TOP2B: variants seen among roughly 807,000 people sequenced by gnomAD.
The protein encoded by TOP2B is DNA topoisomerase II beta.
TOP2B carries 51 observed loss-of-function variants against 193.5 expected under a neutral mutation model. The observed-to-expected ratio is 0.26, with a 90% CI of 0.21 to 0.33. TOP2B has a LOEUF of 0.33. TOP2B is among the 10% of genes least tolerant of loss of function. The pLI, the probability that TOP2B is intolerant of heterozygous loss-of-function variation, is 1.00. For synonymous variants in TOP2B, 634 were observed against 635.7 expected (o/e 1.00, Z 0.04); for missense variants, 1,378 against 1,909.3 (o/e 0.72, Z 5.19).
In TOP2B at chr3:25,598,481, G is replaced by C. The variant is rs753321382; in HGVS notation, c.4711-4C>G. 2.9e-5 allele frequency: 44 copies of C among 1,520,710 alleles called. No individual in the cohort carries two copies. The highest frequency in any genetic ancestry group is 3.7e-5 in the Non-Finnish European group (42 of 1,139,784). The allele number at this position is 1,520,710 out of a possible 1,614,324, so 94.2% of individuals were successfully genotyped here. A position where few individuals can be genotyped will look rare whatever the true frequency, so the allele number is the denominator to read the frequency against. On this transcript the variant is annotated splice_polypyrimidine_tract_variant and splice_region_variant and intron_variant, in intron 35 of 35. Transcript: ENST00000264331. ...CAAAAGATGTCTTCTTCGGTTTCTA[G>C]ATTTTTTTTCAATAGATTTAAAAGT... is the stretch of plus-strand genomic sequence containing the variant.
Position 25,609,131 on chromosome 3 carries a change from C to T in TOP2B, c.4093+52G>A. The T allele has an allele frequency of 2.1e-6, 3 of 1,440,298 alleles. No individual in the cohort carries two copies. In the East Asian group the frequency reaches 7.4e-5, roughly 36 times the overall value. 89.2% of individuals were successfully genotyped at this position (1,440,298 alleles called of 1,614,324 possible). A position where few individuals can be genotyped will look rare whatever the true frequency, so the allele number is the denominator to read the frequency against. Reference sequence around the variant, plus strand: ...ACAACACTGATAATACTAACAATACCAACGTATAGGTTAAACTATAATATA... The same window carrying T: ...ACAACACTGATAATACTAACAATACTAACGTATAGGTTAAACTATAATATA... On this transcript the variant is annotated intron_variant, in intron 30 of 35. Transcript: ENST00000264331.
intron 18 of TOP2B, among the ~76,000 whole-genome samples, chr3:25,625,264 G>C (rs1417901899): frequency 6.6e-6 from 1 of 152,202 alleles, no homozygotes; most frequent in Non-Finnish European, 1.5e-5. Context: ...AAAGGCTTTA[G>C]AATCTCACTA....
chr3:25,655,020 C>A (rs1703704886), intron 1 of TOP2B, among the ~76,000 whole-genome samples: 1 of 152,096 alleles, frequency 6.6e-6, no homozygotes, highest in South Asian at 2.1e-4. Flanking sequence ...GATATGGCAC[C>A]AAAATCACAG....
At chr3:25,654,208 T>G (rs555077458) in intron 1 of TOP2B, among the ~76,000 whole-genome samples, 1 of 152,224 alleles carries the variant, frequency 6.6e-6, no homozygotes, top group African/African-American at 2.4e-5. Context: ...ACCCAAAAGA[T>G]TCCACAGAAA....
At chr3:25,621,042 G>C (rs1307846222) in intron 21 of TOP2B, among the ~76,000 whole-genome samples, 1 of 152,016 alleles carries the variant, frequency 6.6e-6, no homozygotes, top group Non-Finnish European at 1.5e-5. Context: ...TCCTAGAACA[G>C]TACTTTCTTT....
intron 1 of TOP2B, among the ~76,000 whole-genome samples, chr3:25,657,429 T>C (rs1232239686): frequency 1.3e-5 from 2 of 152,048 alleles, no homozygotes; most frequent in Non-Finnish European, 2.9e-5. Context: ...ACTATCTCTA[T>C]CTCTTAAAAA....
chr3:25,612,835 C>G lies in TOP2B; in HGVS notation c.3592-126G>C, dbSNP rs1262085451. On this transcript the variant is annotated intron_variant, in intron 27 of 35. Coordinates refer to ENST00000264331, the MANE Select transcript of TOP2B (RefSeq NM_001330700.2). ...GAATAAAGCTTTCCTTTTAACTTAT[C>G]TAATTCAAGATTAAATAATGGAAAA... 9.2e-6 allele frequency: 6 copies of G among 650,020 alleles called. No individual in the cohort carries two copies. In the East Asian group the frequency reaches 1.6e-4, roughly 18 times the overall value. 40.3% of individuals were successfully genotyped at this position (650,020 alleles called of 1,614,324 possible).
intron 32 of TOP2B, 23 bp downstream of exon 32, chr3:25,606,020 A>G (rs1206389803): frequency 1.5e-6 from 2 of 1,347,794 alleles, no homozygotes; most frequent in Non-Finnish European, 2.0e-6. Context: ...ACAATAACCA[A>G]TGAAAAGACT....
At chr3:25,644,817 T>A (rs113804922) in intron 2 of TOP2B, among the ~76,000 whole-genome samples, 1 of 151,336 alleles carries the variant, frequency 6.6e-6, no homozygotes, top group South Asian at 2.1e-4. Flanking sequence ...TGTTTTGAGA[T>A]GGAGTCTCGC....
At chr3:25,604,990 G>A (rs1702200215) in intron 32 of TOP2B, 120 bp from the exon 33 acceptor site, 7 of 677,196 alleles carry the variant, frequency 1.0e-5, no homozygotes, top group Non-Finnish European at 1.5e-5. Context: ...TTACTATTTT[G>A]TGACCAAATA....
At chr3:25,627,076 A>C (rs1231671726) in intron 16 of TOP2B, 111 bp downstream of exon 16, 1 of 820,474 alleles carries the variant, frequency 1.2e-6, no homozygotes, top group Non-Finnish European at 1.9e-6. Context: ...ATTAAAATTA[A>C]CTAGCTTGAG....
chr3:25,642,418 C>A, intron 3 of TOP2B, 33 bp from the exon 4 acceptor site: 1 of 1,370,532 alleles, frequency 7.3e-7, no homozygotes, highest in Non-Finnish European at 1.0e-6. Flanking sequence ...GAGTAATATA[C>A]AAAATTATAT....
chr3:25,621,212 A>G (rs1702650384), intron 21 of TOP2B, among the ~76,000 whole-genome samples: 1 of 152,092 alleles, frequency 6.6e-6, no homozygotes, highest in African/African-American at 2.4e-5. Flanking sequence ...CTTCTCCCAT[A>G]TTTTGTTTGA....
intron 1 of TOP2B, among the ~76,000 whole-genome samples, chr3:25,663,141 T>C (rs556883236): frequency 2.6e-5 from 4 of 152,348 alleles, no homozygotes; most frequent in Admixed American, 2.0e-4. Context: ...ACATAAGTGA[T>C]TAAAATGTTT....
At chr3:25,641,932 A>G (rs923627509) in intron 4 of TOP2B, among the ~76,000 whole-genome samples, 7 of 152,176 alleles carry the variant, frequency 4.6e-5, no homozygotes, top group Admixed American at 3.9e-4. Flanking sequence ...ACAGTACCTA[A>G]TCTATTAAAT....
chr3:25,615,368 A>G (rs1261088479), intron 26 of TOP2B, 63 bp downstream of exon 26: 2 of 1,543,452 alleles, frequency 1.3e-6, no homozygotes, highest in Non-Finnish European at 1.7e-6. Flanking sequence ...ATTTTTGGAA[A>G]AAGAAAAAGA....
chr3:25,646,498 A>G (rs1703419343), intron 1 of TOP2B, among the ~76,000 whole-genome samples: 1 of 152,242 alleles, frequency 6.6e-6, no homozygotes, highest in Non-Finnish European at 1.5e-5. Context: ...TCTTAAGAGC[A>G]GCAGAGAATA....
chr3:25,645,518 A>T, intron 1 of TOP2B, 48 bp from the exon 2 acceptor site: 1 of 1,466,822 alleles, frequency 6.8e-7, no homozygotes, highest in Non-Finnish European at 9.3e-7. Context: ...CAAGGGGTAG[A>T]CAATGAGTAT....
At chr3:25,656,418 T>C (rs1046660461) in intron 1 of TOP2B, among the ~76,000 whole-genome samples, 2 of 152,044 alleles carry the variant, frequency 1.3e-5, no homozygotes. Flanking sequence ...GCCTGGGTGA[T>C]AGCAAGCCTC....
Sources: allele counts gnomAD v4.1 joint callset (sites outside exome capture counted in the v4.1 genomes callset), GRCh38; gene constraint gnomAD v4.1.1; transcripts MANE v1.5; gene names NCBI Gene and HGNC (gene_info 2026-07-23, HGNC 2026-07-21).